The following SLC24A2 variants were observed in gnomAD, a reference collection of about 807,000 sequenced individuals.
The protein encoded by SLC24A2 is solute carrier family 24 member 2, also known as sodium/potassium/calcium exchanger 2.
A neutral mutation model predicts 62.0 loss-of-function variants in SLC24A2; 36 were observed. That is an observed-to-expected ratio of 0.58 (90% CI 0.44 to 0.77). The LOEUF (loss-of-function observed/expected upper bound fraction) is 0.77. SLC24A2 is among the 30% of genes least tolerant of loss of function. The pLI, the probability that SLC24A2 is intolerant of heterozygous loss-of-function variation, is 0.00. For synonymous variants in SLC24A2, 358 were observed against 294.0 expected (o/e 1.22, Z -2.23); for missense variants, 846 against 817.9 (o/e 1.03, Z -0.42).
the SLC24A2 span, among the ~76,000 whole-genome samples, chr9:20,088,807 G>T: frequency 6.6e-6 from 1 of 151,506 alleles, no homozygotes; most frequent in Non-Finnish European, 1.5e-5. Flanking sequence ...GTGTGTTTGG[G>T]CCAGCAACAA....
the SLC24A2 span, among the ~76,000 whole-genome samples, chr9:19,975,346 A>G: frequency 2.0e-5 from 3 of 152,184 alleles, no homozygotes; most frequent in Non-Finnish European, 4.4e-5. Context: ...TCTCAAAAAA[A>G]TCCTCCAGTG....
chr9:19,780,798 G>A (rs1822992932), intron 2 of SLC24A2, among the ~76,000 whole-genome samples: 1 of 150,522 alleles, frequency 6.6e-6, no homozygotes, highest in African/African-American at 2.4e-5. Context: ...GCGTGAACCC[G>A]GGAGGCGGAG....
the SLC24A2 span, among the ~76,000 whole-genome samples, chr9:20,230,446 T>G: frequency 7.2e-5 from 11 of 152,350 alleles, no homozygotes; most frequent in African/African-American, 2.6e-4. Context: ...TGACATGGTA[T>G]CTCATTGTGG....
At chr9:20,266,580 GTTTC>G in the SLC24A2 span, among the ~76,000 whole-genome samples, 1 of 151,858 alleles carries the variant, frequency 6.6e-6, no homozygotes, top group Non-Finnish European at 1.5e-5. Flanking sequence ...CCTAATAAAT[GTTTC>G]TTTCCAGGAA....
intron 7 of SLC24A2, among the ~76,000 whole-genome samples, chr9:19,557,707 G>A (rs1049184220): frequency 6.6e-6 from 1 of 151,942 alleles, no homozygotes; most frequent in Non-Finnish European, 1.5e-5. Context: ...CGTGCAGCCT[G>A]GGTCTGTGGG....
chr9:20,013,937 A>C, the SLC24A2 span, among the ~76,000 whole-genome samples: 1 of 152,210 alleles, frequency 6.6e-6, no homozygotes, highest in Non-Finnish European at 1.5e-5. Flanking sequence ...GGCTGGGCAC[A>C]GTGGTTCATG....
chr9:19,963,146 G>A, the SLC24A2 span, among the ~76,000 whole-genome samples: 3 of 146,668 alleles, frequency 2.0e-5, no homozygotes, highest in Non-Finnish European at 4.5e-5. Flanking sequence ...AAATGGTGCT[G>A]GGAAAACTGG....
intron 2 of SLC24A2, among the ~76,000 whole-genome samples, chr9:19,718,458 A>AT (rs58736549): frequency 0.011 from 1,054 of 99,708 alleles, 9 homozygotes; most frequent in Non-Finnish European, 0.017. Context: ...ATGCCTGGCT[A>AT]TTTTTTTTTT....
the SLC24A2 span, among the ~76,000 whole-genome samples, chr9:19,800,054 A>T: frequency 2.6e-5 from 4 of 152,158 alleles, no homozygotes; most frequent in Non-Finnish European, 4.4e-5. Flanking sequence ...CATCTTCTTC[A>T]TATGGCTTTC....
At chr9:19,850,979 ATATATG>A in the SLC24A2 span, among the ~76,000 whole-genome samples, 319 of 42,924 alleles carry the variant, frequency 7.4e-3, 6 homozygotes, top group East Asian at 0.011. Context: ...ATATATATAT[ATATATG>A]TATATATATA....
chr9:19,701,432 A>G lies in SLC24A2; in HGVS notation c.931-79133T>C, dbSNP rs575728504. 2.2e-3 allele frequency among the ~76,000 whole-genome samples: 339 copies of G among 152,344 alleles called. 1 individual carries two copies. Among genetic ancestry groups the G allele is most frequent in the Admixed American group, 4.0e-3 (61 of 15,292 alleles). On this transcript the variant is annotated intron_variant, in intron 2 of 10. Coordinates refer to ENST00000341998, the MANE Select transcript of SLC24A2 (RefSeq NM_020344.4). Reference sequence around the variant, plus strand: ...GTCCACAACCGGTAGGAGTTGATACATAAACAGTCCAGCTCCCCCGCACTT... The same window carrying G: ...GTCCACAACCGGTAGGAGTTGATACGTAAACAGTCCAGCTCCCCCGCACTT...
chr9:19,755,961 C>T (rs1822128435), intron 2 of SLC24A2, among the ~76,000 whole-genome samples: 1 of 152,116 alleles, frequency 6.6e-6, no homozygotes, highest in South Asian at 2.1e-4. Flanking sequence ...TCATAATGAG[C>T]TTGGTTCACA....
chr9:20,102,664 CAA>C, the SLC24A2 span, among the ~76,000 whole-genome samples: 2 of 131,362 alleles, frequency 1.5e-5, no homozygotes, highest in African/African-American at 5.7e-5. Flanking sequence ...AAATGCACTG[CAA>C]AAAAAAAGAC....
the SLC24A2 span, among the ~76,000 whole-genome samples, chr9:20,008,354 C>T: frequency 6.6e-6 from 1 of 152,264 alleles, no homozygotes; most frequent in East Asian, 1.9e-4. Flanking sequence ...TGGACTCACT[C>T]TGTCTTCGCC....
the SLC24A2 span, among the ~76,000 whole-genome samples, chr9:20,241,248 G>A: frequency 6.6e-6 from 1 of 152,210 alleles, no homozygotes; most frequent in Non-Finnish European, 1.5e-5. Flanking sequence ...AGACTTATAT[G>A]AAAGTTTTAA....
intron 9 of SLC24A2, among the ~76,000 whole-genome samples, chr9:19,525,595 G>C (rs1464607861): frequency 6.6e-6 from 1 of 150,714 alleles, no homozygotes; most frequent in Non-Finnish European, 1.5e-5. Context: ...GTAAAGACAG[G>C]GTTTTGCCAT....
chr9:20,278,433 T>C, the SLC24A2 span, among the ~76,000 whole-genome samples: 6 of 152,208 alleles, frequency 3.9e-5, no homozygotes, highest in East Asian at 1.2e-3. Context: ...TTCTTAGAAA[T>C]TTCTTCTATC....
the SLC24A2 span, among the ~76,000 whole-genome samples, chr9:19,804,909 T>C: frequency 6.6e-6 from 1 of 152,278 alleles, no homozygotes; most frequent in Middle Eastern, 3.4e-3. Context: ...TCTCCTTTAT[T>C]CTACTAATGT....
intron 8 of SLC24A2, among the ~76,000 whole-genome samples, chr9:19,533,308 C>T (rs866703922): frequency 6.6e-6 from 1 of 152,152 alleles, no homozygotes; most frequent in African/African-American, 2.4e-5. Context: ...CCCTCTCTTT[C>T]CTCTCCGTAT....
Sources: gnomAD v4.1 joint callset for allele counts (sites outside exome capture counted in the v4.1 genomes callset) on GRCh38, gnomAD v4.1.1 for gene constraint, MANE v1.5 for transcripts, NCBI Gene and HGNC (gene_info 2026-07-23, HGNC 2026-07-21) for gene names.